ZRANB3: variants seen among roughly 807,000 people sequenced by gnomAD.
ZRANB3 encodes the protein DNA annealing helicase and endonuclease ZRANB3.
In ZRANB3, 125 loss-of-function variants were observed where a neutral mutation model predicts 133.8. The ratio of observed to expected loss-of-function variants is 0.93; its 90% confidence interval spans 0.81 to 1.08. The LOEUF (loss-of-function observed/expected upper bound fraction) is 1.08. Ranked by LOEUF, ZRANB3 falls within the 50% of genes least tolerant of loss-of-function variation. The probability of loss-of-function intolerance (pLI) is 0.00; values close to 1 mark genes in which losing one functional copy is unlikely to be tolerated. For synonymous variants in ZRANB3, 387 were observed against 432.7 expected, an observed-to-expected ratio of 0.89 and a Z score of 1.31; for missense variants, 1,229 against 1,275.5, an observed-to-expected ratio of 0.96 and a Z score of 0.56.
At chr2:135,442,012 A>T (rs972989965) in intron 2 of ZRANB3, among the ~76,000 whole-genome samples, 1 of 152,146 alleles carries the variant, frequency 6.6e-6, no homozygotes, top group African/African-American at 2.4e-5. Context: ...CTGAAACTGG[A>T]TCCCTTCCTT....
chr2:135,414,131 A>G (rs1222255935), intron 2 of ZRANB3, among the ~76,000 whole-genome samples: 1 of 152,194 alleles, frequency 6.6e-6, no homozygotes, highest in African/African-American at 2.4e-5. Flanking sequence ...AATGGACTAA[A>G]TGCTCCATTT....
chr2:135,485,185 A>T (rs7355465), intron 2 of ZRANB3, among the ~76,000 whole-genome samples: 20,281 of 121,076 alleles, frequency 0.17, 1,795 homozygotes, highest in African/African-American at 0.34. Flanking sequence ...AAACAAAACA[A>T]AACATAACAT....
chr2:135,463,424 T>TG (rs962651742), intron 2 of ZRANB3, among the ~76,000 whole-genome samples: 2 of 150,360 alleles, frequency 1.3e-5, no homozygotes, highest in African/African-American at 4.9e-5. Flanking sequence ...AATATGTTGT[T>TG]TTTTTTTTTT....
intron 5 of ZRANB3, among the ~76,000 whole-genome samples, chr2:135,348,304 C>T (rs939455549): frequency 1.3e-5 from 2 of 151,118 alleles, no homozygotes; most frequent in Non-Finnish European, 3.0e-5. Flanking sequence ...AATTAGAGAA[C>T]TCACACTTCC....
intron 2 of ZRANB3, among the ~76,000 whole-genome samples, chr2:135,419,956 G>T (rs1240912661): frequency 6.6e-6 from 1 of 151,134 alleles, no homozygotes; most frequent in Non-Finnish European, 1.5e-5. Flanking sequence ...TAACACAATA[G>T]AATTTGTTTT....
chr2:135,484,096 G>C (rs1253441930), intron 2 of ZRANB3, among the ~76,000 whole-genome samples: 3 of 152,144 alleles, frequency 2.0e-5, no homozygotes, highest in Non-Finnish European at 4.4e-5. Flanking sequence ...TTGTTGATTT[G>C]GGGTGGAGAG....
intron 12 of ZRANB3, among the ~76,000 whole-genome samples, chr2:135,247,550 T>C (rs1320759234): frequency 6.6e-6 from 1 of 152,130 alleles, no homozygotes; most frequent in Admixed American, 6.5e-5. Context: ...TATTACTTAT[T>C]ATTATTTTTT....
intron 2 of ZRANB3, among the ~76,000 whole-genome samples, chr2:135,469,937 G>A (rs535854299): frequency 2.0e-5 from 3 of 151,164 alleles, no homozygotes; most frequent in African/African-American, 4.9e-5. Context: ...GCGTGAACCC[G>A]GGAGGTGGAG....
At chr2:135,430,484 T>C (rs1295113900) in intron 2 of ZRANB3, among the ~76,000 whole-genome samples, 5 of 150,808 alleles carry the variant, frequency 3.3e-5, no homozygotes, top group Non-Finnish European at 5.9e-5. Context: ...TTAGAGCATA[T>C]AGAGGCTTGG....
At chr2:135,367,276 A>T (rs1685980966) in intron 3 of ZRANB3, among the ~76,000 whole-genome samples, 1 of 152,132 alleles carries the variant, frequency 6.6e-6, no homozygotes, top group African/African-American at 2.4e-5. Flanking sequence ...TCTGTGTAAA[A>T]ATGTGACTCC....
chr2:135,404,143 C>T (rs193284272), intron 2 of ZRANB3, among the ~76,000 whole-genome samples: 27 of 152,208 alleles, frequency 1.8e-4, no homozygotes, highest in African/African-American at 6.5e-4. Flanking sequence ...TTCAGATGAT[C>T]AAACTACTCT....
intron 1 of ZRANB3, chr2:135,530,669 T>G (rs547990489): frequency 6.6e-6 from 1 of 152,242 alleles, no homozygotes; most frequent in African/African-American, 2.4e-5. Flanking sequence ...TATGGTATTT[T>G]GAGGAAACTC....
At chr2:135,285,660 C>A (rs1158936692) in intron 8 of ZRANB3, among the ~76,000 whole-genome samples, 1 of 152,212 alleles carries the variant, frequency 6.6e-6, no homozygotes, top group Non-Finnish European at 1.5e-5. Flanking sequence ...ATGCTGCCAT[C>A]CCTCTAGAGA....
rs374805613 is a variant in ZRANB3, at chr2:135,504,400, A to C, written c.90T>G (p.Pro30=). ...NESDNLLDFL[P]DRLRAKLLPF... The stretch of plus-strand genomic sequence containing the variant: ...GAAGTAGCTTTGCTCTTAGTCTGTC[A>C]GGCAAAAAATCCAGCAGATTATCAG... The change falls in exon 2 of 21, where the codon CCT becomes CCG. Residue 30 remains proline (P), a synonymous_variant. Coordinates refer to ENST00000264159, the MANE Select transcript of ZRANB3 (RefSeq NM_032143.4). The C allele has an allele frequency of 6.2e-7, 1 of 1,613,612 alleles. No homozygotes were observed. Among genetic ancestry groups the C allele is most frequent in the African/African-American group, 1.3e-5 (1 of 74,916 alleles).
At chr2:135,427,755 T>C (rs1251773760) in intron 2 of ZRANB3, among the ~76,000 whole-genome samples, 1 of 151,928 alleles carries the variant, frequency 6.6e-6, no homozygotes, top group Non-Finnish European at 1.5e-5. Context: ...CAATTCAAAG[T>C]AAAAAGAACA....
rs146181610 is a variant in ZRANB3, at chr2:135,207,108, T to C, written c.3009+326A>G. Among the ~76,000 whole-genome samples, 429 of 152,010 alleles carry C rather than the reference T, an allele frequency of 2.8e-3. 19 individuals carry two copies. In the East Asian group the frequency reaches 0.069, roughly 25 times the overall value. On this transcript the variant is annotated intron_variant, in intron 19 of 20. Coordinates refer to ENST00000264159, the MANE Select transcript of ZRANB3 (RefSeq NM_032143.4). Reference sequence around the variant, plus strand: ...TGAACCCAGGTGGCAGAGGTTGCAGTGAGTTGAGATTGCGCCACTGCACTC... The same window carrying C: ...TGAACCCAGGTGGCAGAGGTTGCAGCGAGTTGAGATTGCGCCACTGCACTC...
chr2:135,406,289 G>A (rs552197676), intron 2 of ZRANB3, among the ~76,000 whole-genome samples: 1 of 152,166 alleles, frequency 6.6e-6, no homozygotes, highest in African/African-American at 2.4e-5. Context: ...TTGAATCTCT[G>A]AATAGACCAA....
chr2:135,293,536 T>A (rs1358167115), intron 8 of ZRANB3, among the ~76,000 whole-genome samples: 1 of 152,226 alleles, frequency 6.6e-6, no homozygotes, highest in Non-Finnish European at 1.5e-5. Context: ...TCATGTCATC[T>A]GCAAACAGGG....
At chr2:135,261,814 G>C (rs1679978250) in intron 12 of ZRANB3, among the ~76,000 whole-genome samples, 1 of 152,054 alleles carries the variant, frequency 6.6e-6, no homozygotes, top group Non-Finnish European at 1.5e-5. Flanking sequence ...AAAATAGCTA[G>C]GATTTCTATT....
Sources: allele counts gnomAD v4.1 joint callset (sites outside exome capture counted in the v4.1 genomes callset), GRCh38; gene constraint gnomAD v4.1.1; transcripts MANE v1.5; gene names NCBI Gene and HGNC (gene_info 2026-07-23, HGNC 2026-07-21).